Variants in UBE2D2 observed in about 807,000 individuals in gnomAD.
UBE2D2 encodes the protein ubiquitin conjugating enzyme E2 D2.
UBE2D2 carries 2 observed loss-of-function variants against 24.2 expected under a neutral mutation model. The observed-to-expected ratio is 0.08, with a 90% CI of 0.03 to 0.26. The LOEUF is 0.26. Among genes scored for constraint, UBE2D2 ranks in the 10% least tolerant of loss-of-function variants. The pLI is 1.00. For synonymous variants in UBE2D2, 58 were observed against 56.5 expected, an observed-to-expected ratio of 1.03 and a Z score of -0.12; for missense variants, 44 against 177.6, an observed-to-expected ratio of 0.25 and a Z score of 4.28.
chr5:139,625,213 A>G (rs1754591210), intron 6 of UBE2D2, among the ~76,000 whole-genome samples: 1 of 148,874 alleles, frequency 6.7e-6, no homozygotes, highest in African/African-American at 2.5e-5. Flanking sequence ...ACATGCCACT[A>G]CACCTTTCCA....
intron 1 of UBE2D2, among the ~76,000 whole-genome samples, chr5:139,528,218 G>A (rs1346167355): frequency 1.3e-5 from 2 of 152,210 alleles, no homozygotes; most frequent in Non-Finnish European, 2.9e-5. Context: ...GTTCATCCCC[G>A]AGTGGATGTG....
chr5:139,586,693 A>G (rs1753733350), intron 1 of UBE2D2, among the ~76,000 whole-genome samples: 2 of 152,056 alleles, frequency 1.3e-5, no homozygotes, highest in Admixed American at 1.3e-4. Context: ...TGAACCCGGG[A>G]GGTGGAGCTT....
intron 1 of UBE2D2, among the ~76,000 whole-genome samples, chr5:139,563,331 A>C (rs760010720): frequency 2.0e-5 from 3 of 152,220 alleles, no homozygotes; most frequent in African/African-American, 4.8e-5. Context: ...GATTTCTAAC[A>C]AATGAAGAAG....
intron 5 of UBE2D2, among the ~76,000 whole-genome samples, chr5:139,618,370 AT>A (rs1341827951): frequency 1.3e-5 from 2 of 152,148 alleles, no homozygotes; most frequent in Non-Finnish European, 2.9e-5. Flanking sequence ...AGAGAACCAC[AT>A]TTTTTTAAAG....
At chr5:139,544,565 C>T (rs1752800065) in intron 1 of UBE2D2, among the ~76,000 whole-genome samples, 1 of 151,628 alleles carries the variant, frequency 6.6e-6, no homozygotes, top group South Asian at 2.1e-4. Flanking sequence ...GCTGGTATTA[C>T]AGGCGTGAGC....
chr5:139,615,005 G>GTCTT, intron 5 of UBE2D2, 39 bp downstream of exon 5: 1 of 1,521,546 alleles, frequency 6.6e-7, no homozygotes, highest in African/African-American at 1.4e-5. Flanking sequence ...AAGCAACCGT[G>GTCTT]TCTTTTGTCT....
At chr5:139,589,596 A>G (rs1378985933) in intron 1 of UBE2D2, among the ~76,000 whole-genome samples, 3 of 152,226 alleles carry the variant, frequency 2.0e-5, no homozygotes, top group Non-Finnish European at 2.9e-5. Context: ...GTTTTGATGG[A>G]AACAATTATT....
At chr5:139,531,924 C>A (rs1250358099) in intron 1 of UBE2D2, among the ~76,000 whole-genome samples, 1 of 151,076 alleles carries the variant, frequency 6.6e-6, no homozygotes, top group Non-Finnish European at 1.5e-5. Flanking sequence ...GGGGTCGAAG[C>A]TGCAATGAGC....
At chr5:139,540,201 G>A (rs962589823) in intron 1 of UBE2D2, among the ~76,000 whole-genome samples, 10 of 152,152 alleles carry the variant, frequency 6.6e-5, no homozygotes, top group Non-Finnish European at 1.2e-4. Flanking sequence ...TTACAGCCAT[G>A]AGCCACCACG....
At chr5:139,596,388 G>T (rs1462606514) in intron 1 of UBE2D2, among the ~76,000 whole-genome samples, 1 of 150,144 alleles carries the variant, frequency 6.7e-6, no homozygotes, top group East Asian at 2.0e-4. Flanking sequence ...CCGCCTCCTG[G>T]GTTCAAGCGA....
In UBE2D2 at chr5:139,627,093, T is replaced by G. The variant is rs1198256428; in HGVS notation, c.*292T>G. The G allele has an allele frequency of 3.1e-6, 1 of 321,988 alleles. No individual in the cohort carries two copies. The highest frequency in any genetic ancestry group is 5.8e-6 in the Non-Finnish European group (1 of 173,334). 19.9% of individuals were successfully genotyped at this position (321,988 alleles called of 1,614,324 possible). A position where few individuals can be genotyped will look rare whatever the true frequency, so the allele number is the denominator to read the frequency against. Reference sequence around the variant, plus strand: ...AAAAGCTTTTCTTATTGACTTAAATTTGGATAACAGCAAGGTGTGAGGGGG... The same window carrying G: ...AAAAGCTTTTCTTATTGACTTAAATGTGGATAACAGCAAGGTGTGAGGGGG... On this transcript the variant is annotated 3_prime_UTR_variant, in exon 7 of 7. Coordinates refer to ENST00000398733, the MANE Select transcript of UBE2D2 (RefSeq NM_003339.3).
intron 2 of UBE2D2, among the ~76,000 whole-genome samples, chr5:139,604,490 G>C (rs1336970934): frequency 6.6e-6 from 1 of 152,130 alleles, no homozygotes; most frequent in African/African-American, 2.4e-5. Flanking sequence ...TTAAAAAATA[G>C]TCAAAGGATC....
chr5:139,562,437 G>T, intron 1 of UBE2D2: 1 of 1,292,796 alleles, frequency 7.7e-7, no homozygotes, highest in Non-Finnish European at 1.0e-6. Context: ...GGGAAGTAGA[G>T]GGAGAATCAT....
At chr5:139,625,859 C>G (rs1754616442) in intron 6 of UBE2D2, among the ~76,000 whole-genome samples, 1 of 152,188 alleles carries the variant, frequency 6.6e-6, no homozygotes, top group Non-Finnish European at 1.5e-5. Flanking sequence ...GCTGCTCCAG[C>G]CTCCCAAAGT....
intron 4 of UBE2D2, 25 bp from the exon 5 acceptor site, chr5:139,614,836 C>A (rs775725424): frequency 6.2e-7 from 1 of 1,611,626 alleles, no homozygotes; most frequent in Non-Finnish European, 8.5e-7. Context: ...AACTAGTTTA[C>A]AGAAAGTTTC....
chr5:139,604,227 G>A (rs1010102908), intron 2 of UBE2D2, among the ~76,000 whole-genome samples: 4 of 148,326 alleles, frequency 2.7e-5, no homozygotes, highest in Admixed American at 6.9e-5. Flanking sequence ...TATAACCTTC[G>A]CCTCGTGGGT....
intron 1 of UBE2D2, among the ~76,000 whole-genome samples, chr5:139,538,868 TA>T (rs113802921): frequency 0.089 from 10,852 of 121,794 alleles, 412 homozygotes; most frequent in South Asian, 0.13. Context: ...AAAATCCATC[TA>T]AAAAAAAAAA....
chr5:139,531,355 G>A (rs1752594234), intron 1 of UBE2D2, among the ~76,000 whole-genome samples: 1 of 152,210 alleles, frequency 6.6e-6, no homozygotes, highest in African/African-American at 2.4e-5. Context: ...ACCGGTGCAT[G>A]CAGCCCCTGT....
intron 1 of UBE2D2, among the ~76,000 whole-genome samples, chr5:139,574,105 A>G (rs1753413908): frequency 6.7e-6 from 1 of 149,738 alleles, no homozygotes; most frequent in Non-Finnish European, 1.5e-5. Context: ...TTTGAGACGA[A>G]GTTTCGTTCT....
Sources: allele counts gnomAD v4.1 joint callset (sites outside exome capture counted in the v4.1 genomes callset), GRCh38; gene constraint gnomAD v4.1.1; transcripts MANE v1.5; gene names NCBI Gene and HGNC (gene_info 2026-07-23, HGNC 2026-07-21).